Variants in AFAP1L1 observed in about 807,000 individuals in gnomAD.
The protein encoded by AFAP1L1 is actin filament-associated protein 1-like 1.
A neutral mutation model predicts 99.8 loss-of-function variants in AFAP1L1; 77 were observed. The observed-to-expected ratio is 0.77, with a 90% CI of 0.64 to 0.93. The LOEUF (loss-of-function observed/expected upper bound fraction) is 0.93. AFAP1L1 is among the 40% of genes least tolerant of loss of function. The probability of loss-of-function intolerance (pLI) is 0.00; values close to 1 mark genes in which losing one functional copy is unlikely to be tolerated. For synonymous variants in AFAP1L1, 373 were observed against 395.3 expected, an observed-to-expected ratio of 0.94 and a Z score of 0.67; for missense variants, 893 against 996.8, an observed-to-expected ratio of 0.90 and a Z score of 1.40.
intron 4 of AFAP1L1, 81 bp downstream of exon 4, chr5:149,301,311 G>A: frequency 1.5e-6 from 2 of 1,372,768 alleles, no homozygotes; most frequent in Non-Finnish European, 1.0e-6. Context: ...CTTCCCACTG[G>A]GTGCTCTCCT....
intron 18 of AFAP1L1, among the ~76,000 whole-genome samples, chr5:149,337,260 T>C (rs1252678661): frequency 6.6e-6 from 1 of 152,124 alleles, no homozygotes; most frequent in Non-Finnish European, 1.5e-5. Flanking sequence ...CAATACCATA[T>C]TGCATACTCG....
chr5:149,322,576 A>G (rs1245971699), intron 14 of AFAP1L1, 30 bp from the exon 15 acceptor site: 1 of 1,530,742 alleles, frequency 6.5e-7, no homozygotes, highest in African/African-American at 1.4e-5. Flanking sequence ...GCCTGCCTGA[A>G]CTTGACTGTC....
At position 149,342,501 on chromosome 5, in the gene AFAP1L1, A is replaced by G. The variant is rs1198749393; in HGVS notation, c.*2471A>G. Among the ~76,000 whole-genome samples, 1 of 152,208 alleles carries G rather than the reference A, an allele frequency of 6.6e-6. No individual in the cohort carries two copies. The highest frequency in any genetic ancestry group is 1.5e-5 in the Non-Finnish European group (1 of 68,032). On this transcript the variant is annotated 3_prime_UTR_variant, in exon 19 of 19. Transcript: ENST00000296721. ...AACATTCAGAAGCACACTAGCACTT[A>G]ATAAATAGACGAATGAATGCATGGA...
chr5:149,276,272 G>T (rs1755319480), intron 1 of AFAP1L1, among the ~76,000 whole-genome samples: 1 of 152,240 alleles, frequency 6.6e-6, no homozygotes, highest in African/African-American at 2.4e-5. Context: ...ACTTGAGAAT[G>T]GAAACAAACG....
chr5:149,289,552 T>TA (rs1212872235), intron 1 of AFAP1L1, among the ~76,000 whole-genome samples: 1 of 152,150 alleles, frequency 6.6e-6, no homozygotes, highest in Non-Finnish European at 1.5e-5. Flanking sequence ...GTCTTAGTGA[T>TA]AAACAATGCG....
At position 149,322,676 on chromosome 5, in the gene AFAP1L1, A is replaced by T; in HGVS notation, c.1769A>T (p.His590Leu). The change falls in exon 15 of 19, where the codon CAT becomes CTT. Residue 590 changes from histidine to leucine, a missense_variant. Coordinates refer to ENST00000296721, the MANE Select transcript of AFAP1L1 (RefSeq NM_152406.4). ...GCCTCCTCCTGCAGTGAGAAGTCCC[A>T]TCGTGTGGACCCGCAGGTCAAAGTC... ...RHASSCSEKS[H>L]RVDPQVKVKR... The T allele has an allele frequency of 6.3e-7, 1 of 1,594,830 alleles. No homozygotes were observed. The highest frequency in any genetic ancestry group is 1.3e-5 in the African/African-American group (1 of 74,760).
At chr5:149,322,518 C>A in intron 14 of AFAP1L1, 88 bp from the exon 15 acceptor site, 1 of 879,856 alleles carries the variant, frequency 1.1e-6, no homozygotes, top group Non-Finnish European at 1.7e-6. Flanking sequence ...AGCAAGAAGA[C>A]TCCATACTGA....
chr5:149,318,705 C>A lies in AFAP1L1; in HGVS notation c.1479+765C>A, dbSNP rs73277527. On this transcript the variant is annotated intron_variant, in intron 12 of 18. Transcript: ENST00000296721. ...TGAGGTCATGCAGAATACGTGGACT[C>A]TCTCTTCCACATGGCAACCCTTTGG... 5.8e-3 allele frequency among the ~76,000 whole-genome samples: 885 copies of A among 152,362 alleles called. 7 individuals carry two copies. The highest frequency in any genetic ancestry group is 0.02 in the African/African-American group (844 of 41,588).
At chr5:149,304,077 A>G (rs1043408842) in intron 5 of AFAP1L1, among the ~76,000 whole-genome samples, 5 of 152,102 alleles carry the variant, frequency 3.3e-5, no homozygotes, top group African/African-American at 1.2e-4. Flanking sequence ...TTCTGTCCAT[A>G]TGGATTTGCC....
intron 11 of AFAP1L1, among the ~76,000 whole-genome samples, chr5:149,317,483 C>T (rs1045425038): frequency 6.6e-6 from 1 of 152,196 alleles, no homozygotes; most frequent in African/African-American, 2.4e-5. Context: ...AGTTCCTGCC[C>T]TTTTCATCAA....
At chr5:149,302,589 T>A (rs1756264286) in intron 5 of AFAP1L1, 63 bp downstream of exon 5, 1 of 1,372,304 alleles carries the variant, frequency 7.3e-7, no homozygotes, top group Admixed American at 2.1e-5. Context: ...AAATTTAAGT[T>A]CCTCTGTGTC....
In AFAP1L1 at chr5:149,312,114, C is replaced by T; in HGVS notation, c.930C>T (p.Val310=). Residue 310 remains valine (V), a splice_region_variant and synonymous_variant, in exon 9 of 19, where the codon GTC becomes GTT. Transcript: ENST00000296721. ...SREQAEEWLK[V]IREVSKPVGG... ...ACAGCTGTGTGTCCTCTTCACAGGT[C>T]ATCCGAGAAGTGAGCAAGCCAGTTG... is the stretch of plus-strand genomic sequence containing the variant. The T allele has an allele frequency of 1.9e-6, 3 of 1,613,228 alleles. No individual in the cohort carries two copies. The highest frequency in any genetic ancestry group is 2.5e-6 in the Non-Finnish European group (3 of 1,179,806).
intron 15 of AFAP1L1, among the ~76,000 whole-genome samples, chr5:149,329,057 G>C (rs926479487): frequency 1.2e-4 from 19 of 152,018 alleles, no homozygotes; most frequent in African/African-American, 4.6e-4. Context: ...CTGGAGATCT[G>C]AGTTACATGG....
chr5:149,276,421 TACCAC>T (rs1755326149), intron 1 of AFAP1L1, among the ~76,000 whole-genome samples: 1 of 152,178 alleles, frequency 6.6e-6, no homozygotes. Context: ...GATTCACAAA[TACCAC>T]ACAAGAGAAT....
chr5:149,335,762 G>A (rs759891757), intron 18 of AFAP1L1, 40 bp downstream of exon 18: 13 of 1,599,738 alleles, frequency 8.1e-6, no homozygotes, highest in South Asian at 2.3e-5. Flanking sequence ...CAGAGATCTG[G>A]TAGCCCCCTT....
intron 7 of AFAP1L1, among the ~76,000 whole-genome samples, chr5:149,307,914 T>C (rs1356398182): frequency 6.7e-6 from 1 of 148,446 alleles, no homozygotes; most frequent in African/African-American, 2.5e-5. Context: ...CCAGCACTTT[T>C]AGAGGCCAAG....
At chr5:149,333,163 ATAG>A (rs1435967532) in intron 17 of AFAP1L1, among the ~76,000 whole-genome samples, 2 of 152,224 alleles carry the variant, frequency 1.3e-5, no homozygotes, top group Non-Finnish European at 2.9e-5. Context: ...ATTGATGATA[ATAG>A]TAGCCAGCAT....
intron 1 of AFAP1L1, 24 bp from the exon 2 acceptor site, chr5:149,299,485 G>T (rs1169521321): frequency 6.2e-7 from 1 of 1,613,356 alleles, no homozygotes; most frequent in East Asian, 2.2e-5. Context: ...AGCTGTGACT[G>T]TGCCCGTCTG....
rs544435821 is a variant in AFAP1L1, at chr5:149,299,630, C to T, written c.138C>T (p.Pro46=). Residue 46 remains proline (P), a synonymous_variant, in exon 2 of 19, where the codon CCC becomes CCT. Coordinates refer to ENST00000296721, the MANE Select transcript of AFAP1L1 (RefSeq NM_152406.4). The part of the protein sequence containing the change: ...AVASILQSLQ[P]LPAKEVSYLY... ...CCTCCATCCTGCAGAGCCTGCAGCC[C>T]CTTCCAGGTTAGCCGCCAGCAGCCT... The T allele has an allele frequency of 6.2e-7, 1 of 1,614,128 alleles. No homozygotes were observed. Among genetic ancestry groups the T allele is most frequent in the African/African-American group, 1.3e-5 (1 of 75,030 alleles).
Sources: gnomAD v4.1 joint callset for allele counts (sites outside exome capture counted in the v4.1 genomes callset) on GRCh38, gnomAD v4.1.1 for gene constraint, MANE v1.5 for transcripts, NCBI Gene and HGNC (gene_info 2026-07-23, HGNC 2026-07-21) for gene names.